ITIH5: variants seen among roughly 807,000 people sequenced by gnomAD.
ITIH5 encodes inter-alpha-trypsin inhibitor heavy chain H5.
In ITIH5, 65 loss-of-function variants were observed where a neutral mutation model predicts 77.5. The ratio of observed to expected loss-of-function variants is 0.84; its 90% CI spans 0.69 to 1.03. ITIH5 has a LOEUF of 1.03. Among genes scored for constraint, ITIH5 ranks in the 50% least tolerant of loss-of-function variants. The pLI, the probability that ITIH5 is intolerant of heterozygous loss-of-function variation, is 0.00. For synonymous variants in ITIH5, 525 were observed against 494.3 expected (o/e 1.06, Z -0.82); for missense variants, 1,208 against 1,213.1 (o/e 1.00, Z 0.06).
intron 7 of ITIH5, among the ~76,000 whole-genome samples, chr10:7,586,862 G>A (rs1033165818): frequency 4.6e-5 from 7 of 151,254 alleles, no homozygotes; most frequent in Non-Finnish European, 1.0e-4. Context: ...ACAAACTCTC[G>A]CTCTGTCACC....
At chr10:7,578,344 C>A (rs182479341) in intron 9 of ITIH5, 2 of 167,692 alleles carry the variant, frequency 1.2e-5, no homozygotes, top group Admixed American at 1.3e-4. Flanking sequence ...CATCGAAGTT[C>A]CTGGTGTATC....
At chr10:7,651,605 C>T (rs536855684) in intron 2 of ITIH5, among the ~76,000 whole-genome samples, 2 of 150,730 alleles carry the variant, frequency 1.3e-5, no homozygotes, top group East Asian at 3.9e-4. Context: ...GAGACTCTGT[C>T]TCAAAATAAT....
At chr10:7,633,288 G>C (rs1833741578) in intron 5 of ITIH5, among the ~76,000 whole-genome samples, 2 of 149,108 alleles carry the variant, frequency 1.3e-5, no homozygotes, top group Admixed American at 1.3e-4. Flanking sequence ...AAATTATAAT[G>C]TTTCATCTTC....
Position 7,577,376 on chromosome 10 carries a change from G to C in ITIH5, c.1419-364C>G, listed in dbSNP as rs149814399. On this transcript the variant is annotated intron_variant, in intron 9 of 13. Transcript: ENST00000397146. Reference sequence around the variant, plus strand: ...TGTAATCCATTTCAACAGACATTTGGATGCTTAAAAAACAATGCTGTGCAT... The same window carrying C: ...TGTAATCCATTTCAACAGACATTTGCATGCTTAAAAAACAATGCTGTGCAT... Among the ~76,000 whole-genome samples the C allele has an allele frequency of 8.5e-3, 1,293 of 152,214 alleles. 11 individuals carry two copies. Among genetic ancestry groups the C allele is most frequent in the African/African-American group, 0.029 (1,211 of 41,524 alleles).
At chr10:7,612,924 T>C (rs764640526) in intron 7 of ITIH5, among the ~76,000 whole-genome samples, 6 of 152,132 alleles carry the variant, frequency 3.9e-5, no homozygotes, top group Non-Finnish European at 8.8e-5. Flanking sequence ...ACAAAACAAC[T>C]TGGTCAACGA....
chr10:7,569,527 C>T (rs572960379), intron 12 of ITIH5, 141 bp downstream of exon 12: 20 of 546,388 alleles, frequency 3.7e-5, no homozygotes, highest in East Asian at 1.2e-4. Context: ...GAGCGCAGTG[C>T]GCTTCCCTTA....
At chr10:7,630,019 T>C (rs1049992432) in intron 5 of ITIH5, among the ~76,000 whole-genome samples, 1 of 152,238 alleles carries the variant, frequency 6.6e-6, no homozygotes, top group African/African-American at 2.4e-5. Flanking sequence ...TATACATGTA[T>C]ATTAAAAACT....
At chr10:7,613,663 A>C (rs183857624) in intron 7 of ITIH5, among the ~76,000 whole-genome samples, 18 of 152,366 alleles carry the variant, frequency 1.2e-4, no homozygotes, top group African/African-American at 4.3e-4. Context: ...GAAAGCAAAC[A>C]AAACAGTGAG....
In ITIH5 at chr10:7,576,552, C is replaced by T. The variant is rs1358367222; in HGVS notation, c.1879G>A (p.Val627Ile). 6.2e-7 allele frequency: 1 copy of T among 1,613,584 alleles called. No individual in the cohort carries two copies. The highest frequency in any genetic ancestry group is 1.7e-5 in the Admixed American group (1 of 60,024). Residue 627 changes from valine to isoleucine, a missense_variant, in exon 10 of 14, where the codon GTC (valine) becomes ATC (isoleucine). Transcript: ENST00000397146. Reference protein sequence around the residue: ...PFTSMKLRGPVPRMDGLEEAH... With the variant: ...PFTSMKLRGPIPRMDGLEEAH... ...TCCTCCAGGCCATCCATGCGTGGGA[C>T]CGGCCCCCTCAGCTTCATGGAGGTG...
chr10:7,568,155 T>C (rs573341914), intron 12 of ITIH5, among the ~76,000 whole-genome samples: 135 of 152,324 alleles, frequency 8.9e-4, no homozygotes, highest in Non-Finnish European at 1.5e-3. Flanking sequence ...AATTAGGTGA[T>C]GCATGTTAAA....
At position 7,637,407 on chromosome 10, in the gene ITIH5, C is replaced by G; in HGVS notation, c.473G>C (p.Ser158Thr). Residue 158 changes from serine to threonine, a missense_variant, in exon 5 of 14, where the codon AGT becomes ACT. Transcript: ENST00000397146. ...PSKDKAAFFL[S>T]YEELLQRRLG... ...GCGCCTCTGCAGAAGCTCCTCATAA[C>G]TCAGGAAAAAGGCGGCTTTGTCCTT... The G allele has an allele frequency of 1.2e-6, 2 of 1,614,076 alleles. No individual in the cohort carries two copies. The highest frequency in any genetic ancestry group is 1.7e-6 in the Non-Finnish European group (2 of 1,179,924).
intron 2 of ITIH5, among the ~76,000 whole-genome samples, chr10:7,650,017 T>G (rs61834802): frequency 0.12 from 18,981 of 152,208 alleles, 1,589 homozygotes; most frequent in Non-Finnish European, 0.18. Context: ...ATAAGATAAT[T>G]TCTTCATTAT....
rs138170692 is a variant in ITIH5, at chr10:7,572,568, A to G, written c.2032+574T>C. 4.6e-5 allele frequency among the ~76,000 whole-genome samples: 7 copies of G among 152,172 alleles called. No homozygotes were observed. The East Asian group carries it at 9.7e-4, about 21-fold the overall frequency. ...GGGTCAGAATGTGCCTCTGCCACCC[A>G]TCTATTGGGTGGTGCAATATAGCTC... On this transcript the variant is annotated intron_variant, in intron 11 of 13. Transcript: ENST00000397146.
At chr10:7,651,015 A>T (rs1398381587) in intron 2 of ITIH5, among the ~76,000 whole-genome samples, 2 of 133,314 alleles carry the variant, frequency 1.5e-5, no homozygotes, top group African/African-American at 5.7e-5. Flanking sequence ...AACAGGATGC[A>T]CACAATGGTC....
chr10:7,589,727 T>C (rs1832754809), intron 7 of ITIH5, among the ~76,000 whole-genome samples: 1 of 151,870 alleles, frequency 6.6e-6, no homozygotes, highest in Non-Finnish European at 1.5e-5. Context: ...TCCTCTCCCA[T>C]GCCTGGCTCC....
chr10:7,582,191 T>G lies in ITIH5; in HGVS notation c.1109-2127A>C, dbSNP rs543029397. On this transcript the variant is annotated intron_variant, in intron 8 of 13. Coordinates refer to ENST00000397146, the MANE Select transcript of ITIH5 (RefSeq NM_030569.7). ...ACCTGGCCCCATGTATTCTTAAATT[T>G]ACTACTTTATGATTAAAATAAATCA... is the stretch of plus-strand genomic sequence containing the variant. Among the ~76,000 whole-genome samples the G allele has an allele frequency of 1.6e-4, 24 of 152,284 alleles. 1 individual carries two copies. The East Asian group carries it at 4.6e-3, about 29-fold the overall frequency.
At chr10:7,574,818 A>AG in intron 10 of ITIH5, among the ~76,000 whole-genome samples, 1 of 149,110 alleles carries the variant, frequency 6.7e-6, no homozygotes, top group Admixed American at 6.7e-5. Context: ...AAAAAAGCAA[A>AG]AAAAAACCCT....
chr10:7,612,404 G>T (rs1002281008), intron 7 of ITIH5, among the ~76,000 whole-genome samples: 3 of 152,184 alleles, frequency 2.0e-5, no homozygotes, highest in African/African-American at 4.8e-5. Flanking sequence ...GACAGCACAG[G>T]TGTAGAACAT....
At chr10:7,566,945 C>T (rs565302438) in intron 12 of ITIH5, among the ~76,000 whole-genome samples, 1 of 150,040 alleles carries the variant, frequency 6.7e-6, no homozygotes, top group Admixed American at 6.7e-5. Flanking sequence ...TCTATCCCTG[C>T]CCAACGCATC....
Sources: gnomAD v4.1 joint callset for allele counts (sites outside exome capture counted in the v4.1 genomes callset) on GRCh38, gnomAD v4.1.1 for gene constraint, MANE v1.5 for transcripts, NCBI Gene and HGNC (gene_info 2026-07-23, HGNC 2026-07-21) for gene names.